Variants in PTK2 observed in about 807,000 individuals in gnomAD.
The protein encoded by PTK2 is focal adhesion kinase 1.
PTK2 carries 45 observed loss-of-function variants against 150.1 expected under a neutral mutation model. That is an observed-to-expected ratio of 0.30 (90% CI 0.24 to 0.38). The LOEUF (loss-of-function observed/expected upper bound fraction) is 0.38, where lower values mean the gene tolerates loss of function less well. Among genes scored for constraint, PTK2 ranks in the 10% least tolerant of loss-of-function variants. PTK2 has a pLI of 1.00. For missense variants in PTK2, 919 were observed against 1,307.3 expected (o/e 0.70, Z 4.58); for synonymous variants, 432 against 449.2 (o/e 0.96, Z 0.48).
intron 17 of PTK2, among the ~76,000 whole-genome samples, chr8:140,748,148 C>T (rs977280076): frequency 1.3e-5 from 2 of 152,124 alleles, no homozygotes; most frequent in African/African-American, 4.8e-5. Context: ...TTCCTGCATC[C>T]ACCACTGTGG....
intron 5 of PTK2, among the ~76,000 whole-genome samples, chr8:140,847,487 G>A (rs2100126286): frequency 6.6e-6 from 1 of 152,110 alleles, no homozygotes; most frequent in Admixed American, 6.5e-5. Flanking sequence ...TTGTAGATTA[G>A]CCTGAAAAGA....
At chr8:140,836,850 G>C (rs921654564) in intron 7 of PTK2, among the ~76,000 whole-genome samples, 2 of 152,032 alleles carry the variant, frequency 1.3e-5, no homozygotes, top group African/African-American at 4.8e-5. Context: ...ATGCAAAGAT[G>C]ATTAAAAACA....
At chr8:140,997,297 T>C (rs2100198162) in intron 1 of PTK2, among the ~76,000 whole-genome samples, 1 of 152,248 alleles carries the variant, frequency 6.6e-6, no homozygotes, top group Non-Finnish European at 1.5e-5. Flanking sequence ...GTGAAGATGC[T>C]GTGAACATTG....
At chr8:140,870,989 T>C (rs2100142150) in intron 4 of PTK2, among the ~76,000 whole-genome samples, 1 of 152,148 alleles carries the variant, frequency 6.6e-6, no homozygotes, top group South Asian at 2.1e-4. Flanking sequence ...GGTGGGCTCC[T>C]ATCATTTAGT....
chr8:140,896,788 CGG>C lies in PTK2; in HGVS notation c.-32-6021_-32-6020del, dbSNP rs60747008. Among the ~76,000 whole-genome samples, 137 of 67,320 alleles carry C rather than the reference CGG, an allele frequency of 2.0e-3. 3 individuals are homozygous for C. The highest frequency in any genetic ancestry group is 4.5e-3 in the African/African-American group (118 of 26,128). The allele number at this position is 67,320 out of a possible 152,430, so 44.2% of individuals were successfully genotyped here. On this transcript the variant is annotated intron_variant, in intron 2 of 31. Transcript: ENST00000522684. ...ACGCCCCCCCTTCCCCCCAAAAAAA[CGG>C]GGGGGGGGGGTGGGTAAAACATAAA...
At chr8:140,778,364 C>A (rs2100079613) in intron 14 of PTK2, among the ~76,000 whole-genome samples, 1 of 152,200 alleles carries the variant, frequency 6.6e-6, no homozygotes, top group Non-Finnish European at 1.5e-5. Flanking sequence ...GGCACAAGAA[C>A]TGCTTGAACC....
chr8:140,919,805 T>A (rs1273449845), intron 2 of PTK2, among the ~76,000 whole-genome samples: 1 of 152,150 alleles, frequency 6.6e-6, no homozygotes. Context: ...CATAATCAAG[T>A]GAACAAAATG....
intron 27 of PTK2, among the ~76,000 whole-genome samples, chr8:140,682,314 G>A (rs1320442770): frequency 2.6e-5 from 4 of 152,074 alleles, no homozygotes; most frequent in South Asian, 2.1e-4. Context: ...ACTGGGAGGC[G>A]GAGGTTATCA....
chr8:140,797,137 GTC>G (rs10604100), intron 12 of PTK2, among the ~76,000 whole-genome samples: 86,942 of 151,716 alleles, frequency 0.57, 26,587 homozygotes, highest in African/African-American at 0.79. Context: ...ACAATCATGA[GTC>G]ATTCTGGCAT....
At chr8:140,771,954 ATTTT>A (rs61154851) in intron 14 of PTK2, among the ~76,000 whole-genome samples, 2 of 145,382 alleles carry the variant, frequency 1.4e-5, no homozygotes, top group East Asian at 4.0e-4. Flanking sequence ...TAATTTTTGT[ATTTT>A]TTTTTTTTTT....
At chr8:140,694,336 C>T (rs1034854886) in intron 26 of PTK2, among the ~76,000 whole-genome samples, 11 of 152,172 alleles carry the variant, frequency 7.2e-5, no homozygotes, top group South Asian at 2.1e-4. Flanking sequence ...CCACCGCACC[C>T]GGCCTGGTAA....
chr8:140,715,008 G>A lies in PTK2; in HGVS notation c.2142+2590C>T, dbSNP rs774120057. ...CATAGAAGCAGAATTTGATTCTAAC[G>A]ATGGACACTGAGAAGGTAAAAACTG... On this transcript the variant is annotated intron_variant, in intron 23 of 31. Transcript: ENST00000522684. Among the ~76,000 whole-genome samples, 16 of 151,594 alleles carry A rather than the reference G, an allele frequency of 1.1e-4. 1 individual carries two copies. Among genetic ancestry groups the A allele is most frequent in the Admixed American group, 3.9e-4 (6 of 15,228 alleles).
chr8:140,659,489 G>C, exon 32 of PTK2: 1 of 1,612,932 alleles, frequency 6.2e-7, no homozygotes, highest in Non-Finnish European at 8.5e-7. Flanking sequence ...GTCTGCCCAA[G>C]CATTTTCAGT....
chr8:140,731,921 G>A (rs1172056945), intron 22 of PTK2, among the ~76,000 whole-genome samples: 6 of 151,954 alleles, frequency 3.9e-5, no homozygotes, highest in Non-Finnish European at 5.9e-5. Context: ...AAATACACAC[G>A]CATACACTCC....
At chr8:140,664,896 A>T (rs1158409997) in intron 31 of PTK2, 21 bp downstream of exon 35, 1 of 1,609,014 alleles carries the variant, frequency 6.2e-7, no homozygotes, top group Non-Finnish European at 8.5e-7. Context: ...AGAGGGCTGC[A>T]AGGGGAAGAT....
At chr8:140,888,022 C>T (rs553776672) in intron 3 of PTK2, among the ~76,000 whole-genome samples, 1 of 152,282 alleles carries the variant, frequency 6.6e-6, no homozygotes, top group Admixed American at 6.5e-5. Flanking sequence ...GTGGCATCCC[C>T]TTTGATGCTA....
chr8:140,918,193 A>G (rs1189008702), intron 2 of PTK2, among the ~76,000 whole-genome samples: 1 of 152,176 alleles, frequency 6.6e-6, no homozygotes, highest in African/African-American at 2.4e-5. Context: ...CCTGAGAGGA[A>G]GAGTTCGGGG....
At chr8:140,783,441 C>A (rs2100083045) in intron 14 of PTK2, among the ~76,000 whole-genome samples, 1 of 152,098 alleles carries the variant, frequency 6.6e-6, no homozygotes, top group Admixed American at 6.6e-5. Flanking sequence ...AAAATGATGC[C>A]TGTGGATGGG....
chr8:140,735,146 G>T (rs911827027), intron 22 of PTK2, 105 bp downstream of exon 25: 2 of 1,082,428 alleles, frequency 1.8e-6, no homozygotes, highest in Admixed American at 4.4e-5. Flanking sequence ...AAATAGTTCG[G>T]CCTTAGACAT....
Sources: gnomAD v4.1 joint callset for allele counts (sites outside exome capture counted in the v4.1 genomes callset) on GRCh38, gnomAD v4.1.1 for gene constraint, MANE v1.5 for transcripts, NCBI Gene and HGNC (gene_info 2026-07-23, HGNC 2026-07-21) for gene names.